KLF12: variants seen among roughly 807,000 people sequenced by gnomAD.
The protein encoded by KLF12 is KLF transcription factor 12.
A neutral mutation model predicts 37.8 loss-of-function variants in KLF12; 9 were observed. The observed-to-expected ratio is 0.24, with a 90% CI of 0.14 to 0.42. The LOEUF is 0.42. Ranked by LOEUF, KLF12 falls within the 10% of genes least tolerant of loss-of-function variation. KLF12 has a pLI of 1.00. For synonymous variants in KLF12, 208 were observed against 202.1 expected (o/e 1.03, Z -0.25); for missense variants, 411 against 516.0 (o/e 0.80, Z 1.97).
chr13:74,094,263 T>C (rs1247889480), intron 1 of KLF12, among the ~76,000 whole-genome samples: 1 of 152,160 alleles, frequency 6.6e-6, no homozygotes, highest in African/African-American at 2.4e-5. Context: ...CAAAGAACGA[T>C]GGTTTTTATT....
chr13:74,171,415 G>A, the KLF12 span, among the ~76,000 whole-genome samples: 11 of 152,204 alleles, frequency 7.2e-5, no homozygotes, highest in Admixed American at 4.6e-4. Context: ...GGCAGTGAGC[G>A]GAGGGACTCT....
At chr13:73,885,659 T>C (rs1270263051) in intron 3 of KLF12, among the ~76,000 whole-genome samples, 2 of 152,158 alleles carry the variant, frequency 1.3e-5, no homozygotes, top group Admixed American at 1.3e-4. Flanking sequence ...GAAAAGAGAA[T>C]TCTAGGAACA....
At chr13:73,701,213 C>A (rs1254534130) in intron 7 of KLF12, among the ~76,000 whole-genome samples, 2 of 152,166 alleles carry the variant, frequency 1.3e-5, no homozygotes, top group Non-Finnish European at 2.9e-5. Flanking sequence ...GCTGCTGCAC[C>A]TGGGCGACTC....
chr13:74,108,184 ATGAC>A (rs1433321772), intron 1 of KLF12, among the ~76,000 whole-genome samples: 2 of 152,042 alleles, frequency 1.3e-5, no homozygotes, highest in Non-Finnish European at 2.9e-5. Flanking sequence ...CTTTGAGTAT[ATGAC>A]TATGTTCTCT....
At chr13:73,953,909 C>T (rs1471678448) in intron 2 of KLF12, among the ~76,000 whole-genome samples, 2 of 151,508 alleles carry the variant, frequency 1.3e-5, no homozygotes, top group East Asian at 3.9e-4. Flanking sequence ...TCTTTGGCAG[C>T]CAGAAAAATG....
At chr13:74,173,398 C>T in the KLF12 span, among the ~76,000 whole-genome samples, 1 of 152,140 alleles carries the variant, frequency 6.6e-6, no homozygotes, top group Non-Finnish European at 1.5e-5. Context: ...TTTCCCAGCC[C>T]TTCTTGCATT....
At chr13:73,970,889 T>TA (rs1848983423) in intron 2 of KLF12, among the ~76,000 whole-genome samples, 1 of 152,128 alleles carries the variant, frequency 6.6e-6, no homozygotes, top group African/African-American at 2.4e-5. Flanking sequence ...TTTAATGGGT[T>TA]AAATCAAGGG....
intron 6 of KLF12, among the ~76,000 whole-genome samples, chr13:73,752,653 G>T (rs1406479837): frequency 1.3e-5 from 2 of 151,680 alleles, no homozygotes; most frequent in Non-Finnish European, 2.9e-5. Context: ...TACCATTCTA[G>T]TCGTGGCTAG....
chr13:74,023,167 G>T (rs1892886846), intron 1 of KLF12, among the ~76,000 whole-genome samples: 1 of 152,188 alleles, frequency 6.6e-6, no homozygotes, highest in African/African-American at 2.4e-5. Flanking sequence ...CTCTGGGGAT[G>T]GGATCCTAGT....
intron 5 of KLF12, among the ~76,000 whole-genome samples, chr13:73,804,384 T>C (rs147783700): frequency 3.7e-4 from 56 of 152,280 alleles, no homozygotes; most frequent in African/African-American, 1.3e-3. Flanking sequence ...ATGTTGGCAA[T>C]TCATGAAACA....
chr13:74,011,615 G>A (rs1246530064), intron 1 of KLF12, among the ~76,000 whole-genome samples: 8 of 152,152 alleles, frequency 5.3e-5, no homozygotes, highest in South Asian at 2.1e-4. Flanking sequence ...AGCAAAACTC[G>A]AATTTGCCGC....
chr13:73,922,748 G>A (rs1889177004), intron 3 of KLF12, among the ~76,000 whole-genome samples: 1 of 152,170 alleles, frequency 6.6e-6, no homozygotes. Context: ...TATTGTGCAA[G>A]GCTTCAGCTA....
At chr13:74,107,322 T>C (rs1231116487) in intron 1 of KLF12, among the ~76,000 whole-genome samples, 1 of 152,226 alleles carries the variant, frequency 6.6e-6, no homozygotes, top group East Asian at 1.9e-4. Flanking sequence ...GTTCGGTTTC[T>C]AACTATTCTA....
chr13:73,942,727 T>C (rs973957840), intron 3 of KLF12, among the ~76,000 whole-genome samples: 2 of 152,222 alleles, frequency 1.3e-5, no homozygotes, highest in Non-Finnish European at 2.9e-5. Context: ...ATATCATGTA[T>C]AGGACTGTGG....
In KLF12 at chr13:73,801,095, T is replaced by C. The variant is rs1388894799; in HGVS notation, c.806+12057A>G. 3.9e-5 allele frequency: 6 copies of C among 152,236 alleles called. No individual in the cohort carries two copies. In the East Asian group the frequency reaches 1.2e-3, roughly 29 times the overall value. 9.4% of individuals were successfully genotyped at this position (152,236 alleles called of 1,614,324 possible). A position where few individuals can be genotyped will look rare whatever the true frequency, so the allele number is the denominator to read the frequency against. On this transcript the variant is annotated intron_variant, in intron 5 of 7. Transcript: ENST00000377669. ...AAAACATCAATGAGATAAGATTCAC[T>C]CTTACCCAAGATTTTTCTATCTATA...
intron 1 of KLF12, among the ~76,000 whole-genome samples, chr13:74,023,219 T>TTGAAAATG (rs1892887894): frequency 6.6e-6 from 1 of 152,216 alleles, no homozygotes; most frequent in Non-Finnish European, 1.5e-5. Context: ...GAAGTGATGG[T>TTGAAAATG]TGAAAATGAA....
At chr13:74,089,959 G>C (rs9600227) in intron 1 of KLF12, among the ~76,000 whole-genome samples, 1 of 151,584 alleles carries the variant, frequency 6.6e-6, no homozygotes, top group Admixed American at 6.6e-5. Flanking sequence ...AGTAAGGCAA[G>C]AAAAAGAAAT....
At chr13:73,922,560 C>G (rs1889167335) in intron 3 of KLF12, among the ~76,000 whole-genome samples, 1 of 152,074 alleles carries the variant, frequency 6.6e-6, no homozygotes, top group Non-Finnish European at 1.5e-5. Context: ...TATAATCTGT[C>G]TCTTCTTACA....
chr13:73,745,232 A>G (rs1878278456), intron 6 of KLF12, among the ~76,000 whole-genome samples: 1 of 152,226 alleles, frequency 6.6e-6, no homozygotes, highest in Non-Finnish European at 1.5e-5. Flanking sequence ...AACACATATT[A>G]CAAATGCACA....
Sources: allele counts gnomAD v4.1 joint callset (sites outside exome capture counted in the v4.1 genomes callset), GRCh38; gene constraint gnomAD v4.1.1; transcripts MANE v1.5; gene names NCBI Gene and HGNC (gene_info 2026-07-23, HGNC 2026-07-21).